Variants in NF1 observed in about 807,000 individuals in gnomAD.
The protein encoded by NF1 is neurofibromin.
In NF1, 122 loss-of-function variants were observed where a neutral mutation model predicts 325.7. That is an observed-to-expected ratio of 0.37 (90% CI 0.32 to 0.44). NF1 has a LOEUF of 0.44. NF1 is among the 20% of genes least tolerant of loss of function. The pLI is 1.00. For missense variants in NF1, 2,140 were observed against 3,415.4 expected, an observed-to-expected ratio of 0.63 and a Z score of 9.31; for synonymous variants, 1,091 against 1,186.0, an observed-to-expected ratio of 0.92 and a Z score of 1.65.
rs1449512058 is a variant in NF1, at chr17:31,261,735, A to G, written c.4602A>G (p.Arg1534=). 1 of 1,612,134 alleles carries G rather than the reference A, an allele frequency of 6.2e-7. No homozygotes were observed. Among genetic ancestry groups the G allele is most frequent in the Admixed American group, 1.7e-5 (1 of 60,010 alleles). The change falls in exon 35 of 58, where the codon CGA becomes CGG. Residue 1534 remains arginine (R), a synonymous_variant. Transcript: ENST00000358273. ...GGGATCATAAAGCTGTTGGAAGACG[A>G]CCTTTTGATAAGATGGCAACACTTC... ...SNRDHKAVGR[R]PFDKMATLLA...
chr17:31,100,230 C>T (rs768222306), intron 1 of NF1, among the ~76,000 whole-genome samples: 8 of 152,118 alleles, frequency 5.3e-5, no homozygotes, highest in Non-Finnish European at 1.0e-4. Context: ...TCTGAATGTA[C>T]GTTGAATATG....
At chr17:31,257,093 C>A (rs1371477279) in intron 31 of NF1, among the ~76,000 whole-genome samples, 1 of 152,032 alleles carries the variant, frequency 6.6e-6, no homozygotes, top group Non-Finnish European at 1.5e-5. Flanking sequence ...AATCTGGAGT[C>A]AGCCTGTCAT....
chr17:31,236,647 C>T (rs1361761816), intron 29 of NF1, among the ~76,000 whole-genome samples: 5 of 147,224 alleles, frequency 3.4e-5, no homozygotes, highest in Non-Finnish European at 6.0e-5. Context: ...GATGGTGTTT[C>T]ACCATCTTGG....
chr17:31,343,070 A>G lies in NF1; in HGVS notation c.7124A>G (p.Asp2375Gly), dbSNP rs759375243. 6.2e-7 allele frequency: 1 copy of G among 1,614,060 alleles called. No homozygotes were observed. The highest frequency in any genetic ancestry group is 8.5e-7 in the Non-Finnish European group (1 of 1,179,962). The change falls in exon 48 of 58, where the codon GAT (aspartate) becomes GGT (glycine). Residue 2375 changes from aspartate to glycine, a missense_variant. Asp to Gly is a moderately conservative substitution (Grantham distance 94). This residue lies in a region of NF1 where 522 missense variants were observed against 749.0 expected (regional missense o/e 0.70). Transcript: ENST00000358273. ...CTGGAGTGGCACTGCAAGCAAATGG[A>G]TCATTTTGTTGGACTCAATTTCAAC... ...NPLEWHCKQM[D>G]HFVGLNFNSN... is the part of the protein sequence containing the mutation.
intron 36 of NF1, among the ~76,000 whole-genome samples, chr17:31,323,831 A>AC (rs1567896201): frequency 6.6e-6 from 1 of 150,884 alleles, no homozygotes; most frequent in African/African-American, 2.4e-5. Context: ...GTTTGTGTTA[A>AC]TCTCTCTCTC....
In NF1 at chr17:31,374,421, G is replaced by A. The variant is rs1045246485; in HGVS notation, c.*266G>A. ...CAGAACAACTGCAAAGAAAGTGGGA[G>A]GTCAGGAAACTTTTAACTGAGAAAT... On this transcript the variant is annotated 3_prime_UTR_variant, in exon 58 of 58. Transcript: ENST00000358273. 5.9e-5 allele frequency: 30 copies of A among 506,378 alleles called. No individual in the cohort carries two copies. Among genetic ancestry groups the A allele is most frequent in the Middle Eastern group, 5.5e-4 (1 of 1,824 alleles). The allele number at this position is 506,378 out of a possible 1,614,324, so 31.4% of individuals were successfully genotyped here.
intron 4 of NF1, among the ~76,000 whole-genome samples, chr17:31,163,933 A>G (rs1272724912): frequency 3.9e-5 from 6 of 152,246 alleles, no homozygotes; most frequent in Non-Finnish European, 5.9e-5. Context: ...AAACACAAGG[A>G]GGTGAATAAT....
chr17:31,304,392 T>G, intron 36 of NF1: 1 of 1,614,152 alleles, frequency 6.2e-7, no homozygotes. Context: ...AATCTACTGG[T>G]GGCAGGGGCA....
Position 31,327,791 on chromosome 17 carries a change from T to C in NF1, c.5561T>C (p.Leu1854Pro), listed in dbSNP as rs878853903. 1 of 1,614,216 alleles carries C rather than the reference T, an allele frequency of 6.2e-7. No homozygotes were observed. The highest frequency in any genetic ancestry group is 8.5e-7 in the Non-Finnish European group (1 of 1,180,024). ...CGGCCAAAAGATGTCCCTGGGACAC[T>C]GCTCAATATCGCATTACTTAATTTA... Reference protein sequence around the residue: ...KIRPKDVPGTLLNIALLNLGS... With the variant: ...KIRPKDVPGTPLNIALLNLGS... The change falls in exon 38 of 58, where the codon CTG (leucine) becomes CCG (proline). Residue 1854 changes from leucine (L) to proline (P), a missense_variant. Physicochemically the swap from Leu to Pro is moderately conservative, Grantham distance 98. This residue lies in a region of NF1 where 180 missense variants were observed against 435.1 expected (regional missense o/e 0.41). Coordinates refer to ENST00000358273, the MANE Select transcript of NF1 (RefSeq NM_001042492.3).
chr17:31,161,094 G>A lies in NF1; in HGVS notation c.288+2001G>A, dbSNP rs570019287. Reference sequence around the variant, plus strand: ...AGAAGAACGGAGCTCACAAGTATACGTTTGTTATACATAGTTGGAATATTT... The same window carrying A: ...AGAAGAACGGAGCTCACAAGTATACATTTGTTATACATAGTTGGAATATTT... On this transcript the variant is annotated intron_variant, in intron 3 of 57. Coordinates refer to ENST00000358273, the MANE Select transcript of NF1 (RefSeq NM_001042492.3). 2.0e-5 allele frequency among the ~76,000 whole-genome samples: 3 copies of A among 152,250 alleles called. No individual in the cohort carries two copies. The highest frequency in any genetic ancestry group is 2.1e-4 in the South Asian group (1 of 4,828).
intron 1 of NF1, among the ~76,000 whole-genome samples, chr17:31,119,929 G>A (rs1297537746): frequency 6.6e-6 from 1 of 152,148 alleles, no homozygotes; most frequent in Non-Finnish European, 1.5e-5. Flanking sequence ...TAGATGTGTG[G>A]TGTTATTTCT....
intron 1 of NF1, among the ~76,000 whole-genome samples, chr17:31,154,267 G>T (rs1693753921): frequency 6.6e-6 from 1 of 151,968 alleles, no homozygotes; most frequent in South Asian, 2.1e-4. Flanking sequence ...ATGTTGGCCA[G>T]GCTGGTCTTG....
intron 8 of NF1, among the ~76,000 whole-genome samples, chr17:31,193,467 C>T (rs1480517570): frequency 3.3e-5 from 5 of 152,162 alleles, no homozygotes; most frequent in Non-Finnish European, 7.3e-5. Flanking sequence ...ACCACCGCAC[C>T]CAGCTTGAAT....
At chr17:31,288,522 G>GTTTTTTTTTTTTTTT (rs200926157) in intron 36 of NF1, among the ~76,000 whole-genome samples, 9 of 119,658 alleles carry the variant, frequency 7.5e-5, no homozygotes, top group Admixed American at 1.8e-4. Context: ...TTTTTGCTTT[G>GTTTTTTTTTTTTTTT]TTTTTTTTTT....
At chr17:31,187,006 T>C (rs1197467498) in intron 8 of NF1, among the ~76,000 whole-genome samples, 3 of 152,206 alleles carry the variant, frequency 2.0e-5, no homozygotes, top group African/African-American at 7.2e-5. Flanking sequence ...TTGTCCTCAC[T>C]GGAATAGACA....
In NF1 at chr17:31,357,381, CTTTTGATT is replaced by C; in HGVS notation, c.7970+15_7970+22del. On this transcript the variant is annotated intron_variant, in intron 54 of 57. Transcript: ENST00000358273. ...GTCTTTCCTGTTGTGTAAGTATCTC[CTTTTGATT>C]TTAATTCACCTTCGTGCCTGTCTTT... The C allele has an allele frequency of 6.3e-7, 1 of 1,595,764 alleles. No individual in the cohort carries two copies. Among genetic ancestry groups the C allele is most frequent in the Non-Finnish European group, 8.6e-7 (1 of 1,163,466 alleles).
intron 1 of NF1, chr17:31,133,367 A>G (rs1445433215): frequency 6.6e-6 from 1 of 152,334 alleles, no homozygotes; most frequent in African/African-American, 2.4e-5. Flanking sequence ...TGTGTAAACC[A>G]CATTTTCTTT....
rs549058591 is a variant in NF1, at chr17:31,235,953, T to C, written c.3906T>C (p.Asp1302=). The C allele has an allele frequency of 1.2e-6, 2 of 1,614,118 alleles. No individual in the cohort carries two copies. Among genetic ancestry groups the C allele is most frequent in the Non-Finnish European group, 1.7e-6 (2 of 1,179,994 alleles). The change falls in exon 29 of 58, where the codon GAT becomes GAC. Residue 1302 remains aspartate, a synonymous_variant. Coordinates refer to ENST00000358273, the MANE Select transcript of NF1 (RefSeq NM_001042492.3). ...YGATYLQKLL[D]PLLRIVITSS... Reference sequence around the variant, plus strand: ...CTACCTATCTACAAAAACTCCTGGATCCTTTATTACGAATTGTGATCACAT... The same window carrying C: ...CTACCTATCTACAAAAACTCCTGGACCCTTTATTACGAATTGTGATCACAT...
intron 1 of NF1, among the ~76,000 whole-genome samples, chr17:31,132,712 G>GCT (rs1915482107): frequency 6.6e-6 from 1 of 151,940 alleles, no homozygotes; most frequent in African/African-American, 2.4e-5. Flanking sequence ...TGTTGCCCAG[G>GCT]CTGGAGTACA....
Sources: allele counts gnomAD v4.1 joint callset (sites outside exome capture counted in the v4.1 genomes callset), GRCh38; gene constraint gnomAD v4.1.1; regional missense constraint gnomAD v4.1.1; transcripts MANE v1.5; gene names NCBI Gene and HGNC (gene_info 2026-07-23, HGNC 2026-07-21).